Variants in SEC63 observed in about 807,000 individuals in gnomAD.
SEC63 encodes translocation protein SEC63 homolog.
In SEC63, 56 loss-of-function variants were observed where a neutral mutation model predicts 116.2. That is an observed-to-expected ratio of 0.48 (90% confidence interval 0.39 to 0.60). SEC63 has a LOEUF of 0.60. SEC63 is among the 20% of genes least tolerant of loss of function. The pLI, the probability that SEC63 is intolerant of heterozygous loss-of-function variation, is 0.00. For missense variants in SEC63, 668 were observed against 900.0 expected (o/e 0.74, Z 3.30); for synonymous variants, 273 against 294.6 (o/e 0.93, Z 0.75).
intron 7 of SEC63, among the ~76,000 whole-genome samples, chr6:107,910,642 A>G (rs1026339068): frequency 6.6e-6 from 1 of 151,446 alleles, no homozygotes; most frequent in Non-Finnish European, 1.5e-5. Flanking sequence ...ATATATACAC[A>G]TGTCATACAT....
At chr6:107,891,035 C>T (rs985145571) in intron 16 of SEC63, among the ~76,000 whole-genome samples, 3 of 152,086 alleles carry the variant, frequency 2.0e-5, no homozygotes, top group Non-Finnish European at 4.4e-5. Flanking sequence ...GTGAATCTGA[C>T]GGTTATGTGT....
intron 13 of SEC63, among the ~76,000 whole-genome samples, chr6:107,899,514 G>A (rs538889858): frequency 2.6e-5 from 4 of 152,160 alleles, no homozygotes; most frequent in East Asian, 3.9e-4. Context: ...CTGGGAGTTC[G>A]AGACCAGCCT....
At chr6:107,882,918 A>G (rs1786444841) in intron 17 of SEC63, 70 bp downstream of exon 17, 2 of 1,059,278 alleles carry the variant, frequency 1.9e-6, no homozygotes, top group Non-Finnish European at 2.9e-6. Context: ...GAACAACAAC[A>G]ACAAAACCCA....
At chr6:107,914,466 A>C (rs576971408) in intron 4 of SEC63, among the ~76,000 whole-genome samples, 8 of 152,172 alleles carry the variant, frequency 5.3e-5, no homozygotes, top group Admixed American at 3.9e-4. Context: ...GACATTCATT[A>C]GTTTTCGATG....
rs964723439 is a variant in SEC63, at chr6:107,957,765, G to C, written c.124+121C>G. 15 of 1,113,282 alleles carry C rather than the reference G, an allele frequency of 1.3e-5. No individual in the cohort carries two copies. In the Middle Eastern group the frequency reaches 9.8e-4, roughly 73 times the overall value. The allele number at this position is 1,113,282 out of a possible 1,614,324, so 69.0% of individuals were successfully genotyped here. A position where few individuals can be genotyped will look rare whatever the true frequency, so the allele number is the denominator to read the frequency against. ...AGTGGCGGACGCTGGACACAGGCCG[G>C]GCCGCACCGTCCCTGTCATCCCGGA... On this transcript the variant is annotated intron_variant, in intron 1 of 20. Transcript: ENST00000369002.
intron 5 of SEC63, 108 bp from the exon 6 acceptor site, chr6:107,912,882 CACAAAA>C: frequency 2.4e-6 from 2 of 821,286 alleles, no homozygotes; most frequent in Non-Finnish European, 4.1e-6. Context: ...TCCCCCACAA[CACAAAA>C]ACAAACTTTG....
chr6:107,871,501 G>C lies in SEC63; in HGVS notation c.*203C>G. ...GAAATAAATGTACCATCCCCTACTT[G>C]AAAGGTTTCAATAAGCCTTAACATT... On this transcript the variant is annotated 3_prime_UTR_variant, in exon 21 of 21. Transcript: ENST00000369002. The C allele has an allele frequency of 1.6e-6, 1 of 609,104 alleles. No individual in the cohort carries two copies. Among genetic ancestry groups the C allele is most frequent in the East Asian group, 2.9e-5 (1 of 34,914 alleles). 37.7% of individuals were successfully genotyped at this position (609,104 alleles called of 1,614,324 possible).
intron 1 of SEC63, among the ~76,000 whole-genome samples, chr6:107,933,834 C>A (rs1160440899): frequency 6.6e-6 from 1 of 152,266 alleles, no homozygotes; most frequent in Middle Eastern, 3.4e-3. Context: ...GATTCTCCTG[C>A]CTCAGCCTGC....
At position 107,909,234 on chromosome 6, in the gene SEC63, T is replaced by G. The variant is rs1583747997; in HGVS notation, c.625-199A>C. ...GAAAAAGAAAAATGCAAACATTAGC[T>G]GGGCATGGTGGCACATGCCTCTAGT... On this transcript the variant is annotated intron_variant, in intron 7 of 20. Coordinates refer to ENST00000369002, the MANE Select transcript of SEC63 (RefSeq NM_007214.5). 6.2e-5 allele frequency: 29 copies of G among 465,104 alleles called. No homozygotes were observed. The East Asian group carries it at 1.3e-3, about 21-fold the overall frequency. 28.8% of individuals were successfully genotyped at this position (465,104 alleles called of 1,614,324 possible). A position where few individuals can be genotyped will look rare whatever the true frequency, so the allele number is the denominator to read the frequency against.
intron 1 of SEC63, among the ~76,000 whole-genome samples, chr6:107,950,621 A>T (rs1450241468): frequency 6.6e-6 from 1 of 152,254 alleles, no homozygotes; most frequent in African/African-American, 2.4e-5. Flanking sequence ...TGAGATACAC[A>T]GAAGTTAAAT....
At chr6:107,904,490 A>G (rs939171364) in intron 11 of SEC63, 139 bp downstream of exon 11, 8 of 692,956 alleles carry the variant, frequency 1.2e-5, no homozygotes, top group Non-Finnish European at 1.8e-5. Context: ...AGAAATATGA[A>G]AAGACATGAG....
At chr6:107,901,752 TTAGAAAAAACAAAG>T (rs1717213666) in intron 12 of SEC63, among the ~76,000 whole-genome samples, 3 of 151,986 alleles carry the variant, frequency 2.0e-5, no homozygotes, top group Admixed American at 1.3e-4. Context: ...TTTTTTTAAA[TTAGAAAAAACAAAG>T]TTGGAGGGAA....
chr6:107,937,139 T>TTTTTA (rs1770266535), intron 1 of SEC63, among the ~76,000 whole-genome samples: 3 of 151,040 alleles, frequency 2.0e-5, no homozygotes, highest in Admixed American at 6.6e-5. Context: ...TTTTTTTTTT[T>TTTTTA]GAGACAGAGT....
chr6:107,869,475 C>CA lies in SEC63; in HGVS notation c.*2228dup, dbSNP rs1215302512. ...GGCTCATCAATTGTTGACAAAATGTCAGTTTCTTTATAGGAAGAAAATTGA... is the reference window on the plus strand; with the variant it reads ...GGCTCATCAATTGTTGACAAAATGTCAAGTTTCTTTATAGGAAGAAAATTGA... On this transcript the variant is annotated 3_prime_UTR_variant, in exon 21 of 21. Coordinates refer to ENST00000369002, the MANE Select transcript of SEC63 (RefSeq NM_007214.5). 2 of 152,156 alleles carry CA rather than the reference C, an allele frequency of 1.3e-5. No individual in the cohort carries two copies. Among genetic ancestry groups the CA allele is most frequent in the East Asian group, 3.8e-4 (2 of 5,202 alleles). 9.4% of individuals were successfully genotyped at this position (152,156 alleles called of 1,614,324 possible). A position where few individuals can be genotyped will look rare whatever the true frequency, so the allele number is the denominator to read the frequency against.
intron 15 of SEC63, 41 bp from the exon 16 acceptor site, chr6:107,893,696 A>G (rs746427167): frequency 3.7e-6 from 6 of 1,610,636 alleles, no homozygotes; most frequent in Non-Finnish European, 5.1e-6. Flanking sequence ...TTATAGCAAC[A>G]GATTCAATTG....
chr6:107,871,960 T>A, intron 20 of SEC63, 113 bp from the exon 21 acceptor site: 1 of 1,018,376 alleles, frequency 9.8e-7, no homozygotes, highest in Non-Finnish European at 1.5e-6. Context: ...AATAGTTTTT[T>A]ATGGACACAA....
intron 7 of SEC63, among the ~76,000 whole-genome samples, chr6:107,909,733 C>T (rs1328897769): frequency 6.6e-6 from 1 of 152,194 alleles, no homozygotes; most frequent in Admixed American, 6.5e-5. Context: ...CATAATTTTA[C>T]AAGTTGACAT....
intron 1 of SEC63, chr6:107,957,297 T>A (rs1441485096): frequency 6.6e-6 from 1 of 152,212 alleles, no homozygotes; most frequent in Non-Finnish European, 1.5e-5. Flanking sequence ...CTAAGAGGAA[T>A]AACGGCATTG....
intron 18 of SEC63, among the ~76,000 whole-genome samples, chr6:107,878,057 G>A (rs918713963): frequency 6.6e-5 from 10 of 152,202 alleles, no homozygotes; most frequent in East Asian, 1.9e-4. Flanking sequence ...CCTCTGTTGC[G>A]GCCACTCAAA....
Sources: allele counts gnomAD v4.1 joint callset (sites outside exome capture counted in the v4.1 genomes callset), GRCh38; gene constraint gnomAD v4.1.1; transcripts MANE v1.5; gene names NCBI Gene and HGNC (gene_info 2026-07-23, HGNC 2026-07-21).